TEK: variants seen among roughly 807,000 people sequenced by gnomAD.
The protein encoded by TEK is TEK receptor tyrosine kinase.
Under a neutral mutation model 131.8 loss-of-function variants are expected in TEK, and 43 were observed. The ratio of observed to expected loss-of-function variants is 0.33; its 90% CI spans 0.26 to 0.42. TEK has a LOEUF of 0.42. Ranked by LOEUF, TEK falls within the 10% of genes least tolerant of loss-of-function variation. The probability of loss-of-function intolerance (pLI) is 1.00; values close to 1 mark genes in which losing one functional copy is unlikely to be tolerated. For synonymous variants in TEK, 580 were observed against 491.6 expected (o/e 1.18, Z -2.38); for missense variants, 1,162 against 1,384.4 (o/e 0.84, Z 2.55).
chr9:27,229,370 T>C lies in TEK; in HGVS notation c.*138T>C, dbSNP rs1273626075. The C allele has an allele frequency of 5.0e-6, 4 of 803,492 alleles. No individual in the cohort carries two copies. The African/African-American group carries it at 6.8e-5, about 14-fold the overall frequency. 49.8% of individuals were successfully genotyped at this position (803,492 alleles called of 1,614,324 possible). ...GCTGTACACCTGGGACCTTCACCAC[T>C]GTAGATCCCATGCATGGATCTATGT... On this transcript the variant is annotated 3_prime_UTR_variant, in exon 23 of 23. Transcript: ENST00000380036.
At position 27,174,982 on chromosome 9, in the gene TEK, T is replaced by TTTA. The variant is rs369673345; in HGVS notation, c.901+1640_901+1642dup. On this transcript the variant is annotated intron_variant, in intron 6 of 22. Transcript: ENST00000380036. The stretch of plus-strand genomic sequence containing the variant: ...TTTTTTTGTTTTTTTTTTAATTCTT[T>TTTA]TTATTATTATTATTATTATTATACT... 0.012 allele frequency among the ~76,000 whole-genome samples: 1,872 copies of TTTA among 150,466 alleles called. 84 individuals carry two copies. In the East Asian group the frequency reaches 0.17, roughly 13 times the overall value.
intron 20 of TEK, among the ~76,000 whole-genome samples, chr9:27,219,577 C>A (rs7874391): frequency 0.31 from 41,738 of 135,734 alleles, 6,557 homozygotes; most frequent in African/African-American, 0.47. Context: ...ATAGGTGCAG[C>A]AAACCACCCA....
chr9:27,137,865 G>A (rs142473641), intron 1 of TEK, among the ~76,000 whole-genome samples: 7 of 152,216 alleles, frequency 4.6e-5, no homozygotes, highest in South Asian at 2.1e-4. Context: ...TATTCATTCC[G>A]GTGGGTTCTT....
At chr9:27,137,061 G>A (rs76048832) in intron 1 of TEK, among the ~76,000 whole-genome samples, 5,278 of 152,124 alleles carry the variant, frequency 0.035, 306 homozygotes, top group African/African-American at 0.12. Context: ...GACTATAGGC[G>A]CCTGCTGCCA....
intron 16 of TEK, 128 bp downstream of exon 16, chr9:27,209,359 G>C: frequency 1.3e-6 from 1 of 745,944 alleles, no homozygotes; most frequent in Non-Finnish European, 2.3e-6. Flanking sequence ...TCTTCTATCT[G>C]AATGTCTGTC....
At chr9:27,208,617 G>A (rs1564099184) in intron 15 of TEK, among the ~76,000 whole-genome samples, 1 of 152,226 alleles carries the variant, frequency 6.6e-6, no homozygotes, top group Non-Finnish European at 1.5e-5. Flanking sequence ...GTTACAGTTA[G>A]TGAACAAAGA....
chr9:27,220,790 C>G (rs1005174577), intron 21 of TEK, among the ~76,000 whole-genome samples: 2 of 152,202 alleles, frequency 1.3e-5, no homozygotes, highest in African/African-American at 4.8e-5. Context: ...ACCTGCAGAC[C>G]AGGAGATTCC....
rs531229854 is a variant in TEK, at chr9:27,136,374, C to T, written c.53-21457C>T. On this transcript the variant is annotated intron_variant, in intron 1 of 22. Coordinates refer to ENST00000380036, the MANE Select transcript of TEK (RefSeq NM_000459.5). ...GGATTACAGGCGTGAGCCACTGCGC[C>T]GGTCCCTACTTACATTCTTGTAGTT... 7.2e-4 allele frequency among the ~76,000 whole-genome samples: 109 copies of T among 152,306 alleles called. 1 individual carries two copies. Among genetic ancestry groups the T allele is most frequent in the Middle Eastern group, 3.4e-3 (1 of 294 alleles).
chr9:27,140,072 T>C (rs1470436275), intron 1 of TEK, among the ~76,000 whole-genome samples: 3 of 152,174 alleles, frequency 2.0e-5, no homozygotes, highest in Non-Finnish European at 4.4e-5. Flanking sequence ...CTCAGATCAG[T>C]GTCCATTTTA....
intron 10 of TEK, chr9:27,191,912 G>A (rs143988781): frequency 6.0e-4 from 274 of 454,622 alleles, no homozygotes; most frequent in African/African-American, 4.9e-3. Context: ...TGATAAGGCA[G>A]AAATTTATCT....
intron 1 of TEK, among the ~76,000 whole-genome samples, chr9:27,135,760 T>C (rs60807455): frequency 0.52 from 78,509 of 151,482 alleles, 21,296 homozygotes; most frequent in African/African-American, 0.57. Flanking sequence ...AGCTTCCTGG[T>C]CTATCTCAGA....
chr9:27,167,320 C>T (rs1032849808), intron 2 of TEK, among the ~76,000 whole-genome samples: 2 of 152,064 alleles, frequency 1.3e-5, no homozygotes, highest in African/African-American at 4.8e-5. Context: ...CTCCGCCTCC[C>T]GGATTCAAGC....
chr9:27,157,219 A>G (rs1258114388), intron 1 of TEK, among the ~76,000 whole-genome samples: 2 of 152,156 alleles, frequency 1.3e-5, no homozygotes, highest in African/African-American at 2.4e-5. Context: ...GCAATATATA[A>G]CAGACAGAGT....
chr9:27,202,700 A>G, intron 12 of TEK, 120 bp from the exon 13 acceptor site: 1 of 1,038,088 alleles, frequency 9.6e-7, no homozygotes. Context: ...TGATTGGGGT[A>G]CCATATGAGA....
intron 1 of TEK, among the ~76,000 whole-genome samples, chr9:27,124,760 G>A (rs1821926691): frequency 6.6e-6 from 1 of 152,190 alleles, no homozygotes; most frequent in Non-Finnish European, 1.5e-5. Context: ...AATTCAGGTA[G>A]TTCTTATAAA....
rs118056692 is a variant in TEK at position 27,169,706 on chromosome 9, A to G, written c.628+77A>G. On this transcript the variant is annotated intron_variant, in intron 4 of 22. Coordinates refer to ENST00000380036, the MANE Select transcript of TEK (RefSeq NM_000459.5). ...GGATTTTTAGTTGCAAATAACAGAA[A>G]CTAACCATGGCTTCTTAAGCAAAAA... is the stretch of plus-strand genomic sequence containing the variant. The G allele has an allele frequency of 9.6e-3, 15,425 of 1,598,972 alleles. 108 individuals carry two copies. The highest frequency in any genetic ancestry group is 0.014 in the South Asian group (1,311 of 90,492).
intron 9 of TEK, among the ~76,000 whole-genome samples, chr9:27,188,641 G>A (rs1183507190): frequency 6.6e-6 from 1 of 152,064 alleles, no homozygotes; most frequent in Non-Finnish European, 1.5e-5. Context: ...TCCAGTTAGG[G>A]GATACTGCTT....
At chr9:27,213,080 A>G (rs1278077276) in intron 17 of TEK, among the ~76,000 whole-genome samples, 183 bp downstream of exon 17, 1 of 152,176 alleles carries the variant, frequency 6.6e-6, no homozygotes, top group Non-Finnish European at 1.5e-5. Context: ...CAATATGTTT[A>G]TCTAGCAATT....
chr9:27,145,080 G>A (rs1289055711), intron 1 of TEK, among the ~76,000 whole-genome samples: 2 of 152,060 alleles, frequency 1.3e-5, no homozygotes, highest in Admixed American at 1.3e-4. Context: ...TTAGGTGAGT[G>A]GTCTCCCTGA....
Sources: allele counts gnomAD v4.1 joint callset (sites outside exome capture counted in the v4.1 genomes callset), GRCh38; gene constraint gnomAD v4.1.1; transcripts MANE v1.5; gene names NCBI Gene and HGNC (gene_info 2026-07-23, HGNC 2026-07-21).